The following MROH2B variants were observed in gnomAD, a reference collection of about 807,000 sequenced individuals.
MROH2B encodes the protein maestro heat like repeat family member 2B.
Under a neutral mutation model 208.6 loss-of-function variants are expected in MROH2B, and 177 were observed. The observed-to-expected ratio is 0.85, with a 90% confidence interval of 0.75 to 0.96. MROH2B has a LOEUF of 0.96. Ranked by LOEUF, MROH2B falls within the 40% of genes least tolerant of loss-of-function variation. MROH2B has a pLI of 0.00. For missense variants in MROH2B, 2,002 were observed against 1,878.7 expected (o/e 1.07, Z -1.21); for synonymous variants, 728 against 659.0 (o/e 1.10, Z -1.60).
At chr5:41,021,815 G>T (rs1742158803) in intron 24 of MROH2B, among the ~76,000 whole-genome samples, 1 of 152,080 alleles carries the variant, frequency 6.6e-6, no homozygotes, top group Non-Finnish European at 1.5e-5. Context: ...AGGTCAAGGT[G>T]CAGTAAGCCG....
At chr5:41,021,594 T>C (rs1742150064) in intron 24 of MROH2B, among the ~76,000 whole-genome samples, 1 of 152,176 alleles carries the variant, frequency 6.6e-6, no homozygotes, top group African/African-American at 2.4e-5. Context: ...GACAGACATA[T>C]AGGCCAGGTA....
intron 24 of MROH2B, among the ~76,000 whole-genome samples, chr5:41,030,379 G>GA (rs1194037452): frequency 2.0e-5 from 3 of 151,372 alleles, no homozygotes; most frequent in Admixed American, 1.3e-4. Flanking sequence ...TACAACAGCT[G>GA]AAAAAAAATT....
Position 41,049,516 on chromosome 5 carries a change from C to T in MROH2B, c.1345-80G>A, listed in dbSNP as rs1484804195. 4.0e-6 allele frequency: 6 copies of T among 1,483,176 alleles called. No individual in the cohort carries two copies. The East Asian group carries it at 1.4e-4, about 35-fold the overall frequency. The allele number at this position is 1,483,176 out of a possible 1,614,324, so 91.9% of individuals were successfully genotyped here. A position where few individuals can be genotyped will look rare whatever the true frequency, so the allele number is the denominator to read the frequency against. On this transcript the variant is annotated intron_variant, in intron 13 of 41. Coordinates refer to ENST00000399564, the MANE Select transcript of MROH2B (RefSeq NM_173489.5). ...CCTGGTCCTCACTGCATGTTTTTCT[C>T]TGATTTAGAAGCTTTTCTCCTGTTA...
In MROH2B at chr5:41,026,546, C is replaced by T. The variant is rs112108383; in HGVS notation, c.2441+6196G>A. On this transcript the variant is annotated intron_variant, in intron 24 of 41. Transcript: ENST00000399564. The stretch of plus-strand genomic sequence containing the variant: ...TCAATGAAATAAAAGAGGACACAAA[C>T]AAATGGAAGAACATTCCATGCTCAT... Among the ~76,000 whole-genome samples the T allele has an allele frequency of 5.3e-5, 8 of 152,264 alleles. 1 individual carries two copies. The highest frequency in any genetic ancestry group is 1.9e-4 in the African/African-American group (8 of 41,534).
At chr5:40,998,977 C>A (rs1741299977) in intron 40 of MROH2B, among the ~76,000 whole-genome samples, 1 of 152,090 alleles carries the variant, frequency 6.6e-6, no homozygotes, top group Admixed American at 6.6e-5. Context: ...TCTCTGTCTT[C>A]AAAAATTTCA....
chr5:41,008,467 A>AGTAGAGCCTT (rs1741663793), intron 33 of MROH2B, 139 bp downstream of exon 33: 2 of 891,126 alleles, frequency 2.2e-6, no homozygotes, highest in East Asian at 2.6e-5. Flanking sequence ...GCTTAGGGAG[A>AGTAGAGCCTT]GTAGAGCCTT....
chr5:41,004,999 T>A (rs1741530604), intron 35 of MROH2B, 79 bp from the exon 36 acceptor site: 15 of 1,527,872 alleles, frequency 9.8e-6, no homozygotes, highest in Middle Eastern at 2.0e-4. Flanking sequence ...ACATCACAAG[T>A]ACAATTAAAG....
At chr5:41,046,489 T>C (rs1236622470) in intron 17 of MROH2B, among the ~76,000 whole-genome samples, 1 of 151,974 alleles carries the variant, frequency 6.6e-6, no homozygotes, top group Non-Finnish European at 1.5e-5. Flanking sequence ...ATATTATCTC[T>C]CCTATATTTT....
chr5:41,003,918 G>T (rs979526999), intron 37 of MROH2B, among the ~76,000 whole-genome samples: 3 of 152,264 alleles, frequency 2.0e-5, no homozygotes, highest in Non-Finnish European at 4.4e-5. Flanking sequence ...TTGAAATTGC[G>T]ATTATGGAGT....
intron 24 of MROH2B, among the ~76,000 whole-genome samples, chr5:41,022,314 G>A (rs1742178145): frequency 6.6e-6 from 1 of 152,198 alleles, no homozygotes; most frequent in Admixed American, 6.5e-5. Context: ...GGGAAGAGGT[G>A]ACAGATGGCA....
At chr5:41,016,456 C>T (rs1159141237) in intron 28 of MROH2B, among the ~76,000 whole-genome samples, 1 of 148,206 alleles carries the variant, frequency 6.7e-6, no homozygotes, top group Non-Finnish European at 1.5e-5. Flanking sequence ...TTCCTTTCTT[C>T]CTATGAGTTC....
At chr5:41,003,560 C>G (rs972762875) in intron 37 of MROH2B, among the ~76,000 whole-genome samples, 2 of 152,234 alleles carry the variant, frequency 1.3e-5, no homozygotes, top group South Asian at 4.2e-4. Context: ...AGTTCCAACT[C>G]AGTCACAGGC....
At chr5:41,035,534 C>A (rs1742727919) in intron 21 of MROH2B, among the ~76,000 whole-genome samples, 1 of 152,020 alleles carries the variant, frequency 6.6e-6, no homozygotes, top group Non-Finnish European at 1.5e-5. Flanking sequence ...AAACAGACAA[C>A]CTACAGAATG....
intron 2 of MROH2B, among the ~76,000 whole-genome samples, chr5:41,068,480 A>C (rs1743879140): frequency 6.6e-6 from 1 of 152,162 alleles, no homozygotes; most frequent in African/African-American, 2.4e-5. Flanking sequence ...TTCATTTTAT[A>C]GATGAGGAAA....
At chr5:41,052,312 CCA>C (rs1023413756) in intron 12 of MROH2B, among the ~76,000 whole-genome samples, 151 bp downstream of exon 12, 3 of 150,730 alleles carry the variant, frequency 2.0e-5, no homozygotes, top group African/African-American at 4.9e-5. Context: ...TAATTGAATT[CCA>C]GTTATTTTTA....
At position 41,039,625 on chromosome 5, in the gene MROH2B, C is replaced by G. The variant is rs536861155; in HGVS notation, c.1954-70G>C. 1.1e-5 allele frequency: 11 copies of G among 1,046,914 alleles called. No homozygotes were observed. The South Asian group carries it at 1.8e-4, about 17-fold the overall frequency. 64.9% of individuals were successfully genotyped at this position (1,046,914 alleles called of 1,614,324 possible). A position where few individuals can be genotyped will look rare whatever the true frequency, so the allele number is the denominator to read the frequency against. Reference sequence around the variant, plus strand: ...TATTCAACAAATATTTACTGAGCACCTATTATGTGCCAGGTATCCTTTAGG... The same window carrying G: ...TATTCAACAAATATTTACTGAGCACGTATTATGTGCCAGGTATCCTTTAGG... On this transcript the variant is annotated intron_variant, in intron 19 of 41. Transcript: ENST00000399564.
At chr5:41,035,249 A>G (rs1446770310) in intron 21 of MROH2B, among the ~76,000 whole-genome samples, 2 of 152,136 alleles carry the variant, frequency 1.3e-5, no homozygotes, top group African/African-American at 2.4e-5. Context: ...ACATAAACCA[A>G]TAGAACAGAA....
chr5:41,017,789 C>A, intron 28 of MROH2B, 61 bp downstream of exon 28: 1 of 1,511,810 alleles, frequency 6.6e-7, no homozygotes, highest in Non-Finnish European at 8.9e-7. Context: ...AGGAGAAAAG[C>A]TGAGAATAAA....
At chr5:41,027,397 T>A (rs1022695633) in intron 24 of MROH2B, among the ~76,000 whole-genome samples, 3 of 152,060 alleles carry the variant, frequency 2.0e-5, no homozygotes, top group African/African-American at 7.3e-5. Context: ...CAGACACTTC[T>A]CAAAAGAAGA....
Sources: gnomAD v4.1 joint callset for allele counts (sites outside exome capture counted in the v4.1 genomes callset) on GRCh38, gnomAD v4.1.1 for gene constraint, MANE v1.5 for transcripts, NCBI Gene and HGNC (gene_info 2026-07-23, HGNC 2026-07-21) for gene names.